Variants in DCHS2 observed in about 807,000 individuals in gnomAD.
DCHS2 encodes protocadherin-23.
Under a neutral mutation model 182.4 loss-of-function variants are expected in DCHS2, and 142 were observed. That is an observed-to-expected ratio of 0.78 (90% CI 0.68 to 0.89). The LOEUF (loss-of-function observed/expected upper bound fraction) is 0.89, where lower values mean the gene tolerates loss of function less well. DCHS2 is among the 40% of genes least tolerant of loss of function. The pLI is 0.00. For synonymous variants in DCHS2, 1,740 were observed against 1,663.3 expected (o/e 1.05, Z -1.12); for missense variants, 4,319 against 4,198.6 (o/e 1.03, Z -0.79).
At chr4:154,297,772 A>T in intron 13 of DCHS2, 79 bp downstream of exon 13, 1 of 1,518,600 alleles carries the variant, frequency 6.6e-7, no homozygotes, top group Non-Finnish European at 8.8e-7. Context: ...GCGCAATGGC[A>T]CTCTTGTAGT....
intron 16 of DCHS2, among the ~76,000 whole-genome samples, chr4:154,250,060 A>G (rs182740302): frequency 1.3e-5 from 2 of 152,318 alleles, no homozygotes; most frequent in Non-Finnish European, 2.9e-5. Context: ...AGGATTGCAT[A>G]GGTAATATGC....
At position 154,445,179 on chromosome 4, in the gene DCHS2, C is replaced by A. The variant is rs546200050; in HGVS notation, c.2052+44125G>T. On this transcript the variant is annotated intron_variant, in intron 1 of 19. Transcript: ENST00000357232. ...TCTTTCTCTCCCACTAGACTGGCTC[C>A]CTTAAGGCAGAGATATTGGCCCACA... Among the ~76,000 whole-genome samples, 254 of 152,296 alleles carry A rather than the reference C, an allele frequency of 1.7e-3. 2 individuals are homozygous for A. The highest frequency in any genetic ancestry group is 5.6e-3 in the African/African-American group (232 of 41,564).
At position 154,236,026 on chromosome 4, in the gene DCHS2, A is replaced by C; in HGVS notation, c.8626T>G (p.Phe2876Val). 1 of 1,613,928 alleles carries C rather than the reference A, an allele frequency of 6.2e-7. No homozygotes were observed. The highest frequency in any genetic ancestry group is 8.5e-7 in the Non-Finnish European group (1 of 1,179,954). ...TGATCTTGAGTGAAAATGGGCTCAAATTCATCTATCCCTTCAATATCCACC... is the reference window on the plus strand; with the variant it reads ...TGATCTTGAGTGAAAATGGGCTCAACTTCATCTATCCCTTCAATATCCACC... ...VWVDIEGIDE[F>V]EPIFTQDQYF... The change falls in exon 20 of 20, where the codon TTT becomes GTT. Residue 2876 changes from phenylalanine to valine, a missense_variant. Transcript: ENST00000357232.
At chr4:154,463,875 G>C (rs1735126313) in intron 1 of DCHS2, among the ~76,000 whole-genome samples, 1 of 152,048 alleles carries the variant, frequency 6.6e-6, no homozygotes, top group Admixed American at 6.6e-5. Flanking sequence ...CTCAGAACAA[G>C]CTTATTTACT....
At chr4:154,259,494 ACACACC>A (rs764471676) in intron 15 of DCHS2, 45 bp downstream of exon 15, 4 of 1,585,620 alleles carry the variant, frequency 2.5e-6, no homozygotes, top group African/African-American at 2.8e-5. Context: ...TCTCACACAG[ACACACC>A]CACACACACA....
intron 13 of DCHS2, among the ~76,000 whole-genome samples, chr4:154,288,124 A>G (rs1340413002): frequency 6.6e-6 from 1 of 152,140 alleles, no homozygotes; most frequent in East Asian, 1.9e-4. Flanking sequence ...ATCAAAAGAC[A>G]TAGTATGGTT....
rs997323646 is a variant in DCHS2 at position 154,321,368 on chromosome 4, T to C, written c.4177-146A>G. On this transcript the variant is annotated intron_variant, in intron 8 of 19. Transcript: ENST00000357232. Reference sequence around the variant, plus strand: ...TGAGAAAAATGTCATTTTTATATTATATAATTCCAGTATGTCTCAGAAGAT... The same window carrying C: ...TGAGAAAAATGTCATTTTTATATTACATAATTCCAGTATGTCTCAGAAGAT... The C allele has an allele frequency of 4.4e-6, 4 of 918,714 alleles. No individual in the cohort carries two copies. The African/African-American group carries it at 6.7e-5, about 15-fold the overall frequency. The allele number at this position is 918,714 out of a possible 1,614,324, so 56.9% of individuals were successfully genotyped here. A position where few individuals can be genotyped will look rare whatever the true frequency, so the allele number is the denominator to read the frequency against.
intron 1 of DCHS2, among the ~76,000 whole-genome samples, chr4:154,457,665 C>T (rs1197360415): frequency 1.3e-5 from 2 of 152,146 alleles, no homozygotes; most frequent in African/African-American, 4.8e-5. Flanking sequence ...TTACATCTGG[C>T]TTATAACAGG....
intron 1 of DCHS2, among the ~76,000 whole-genome samples, chr4:154,484,186 T>A (rs1728496625): frequency 6.6e-6 from 1 of 152,204 alleles, no homozygotes; most frequent in African/African-American, 2.4e-5. Flanking sequence ...TCCTTTGTGA[T>A]ACCTCTAAGG....
intron 1 of DCHS2, among the ~76,000 whole-genome samples, chr4:154,425,021 A>C: frequency 6.6e-6 from 1 of 152,252 alleles, no homozygotes. Context: ...CACTGCAGAA[A>C]GCAGATTCCT....
At chr4:154,419,849 C>T (rs77604188) in intron 1 of DCHS2, among the ~76,000 whole-genome samples, 67 of 143,846 alleles carry the variant, frequency 4.7e-4, no homozygotes, top group African/African-American at 1.6e-3. Flanking sequence ...CAGAGAAGAA[C>T]GTATGAGTGG....
At position 154,404,983 on chromosome 4, in the gene DCHS2, A is replaced by T. The variant is rs891815336; in HGVS notation, c.2053-27539T>A. ...TCTCTTGGCATGGGCATGGTGGCTC[A>T]TGCCTGTAATCCCAGCAGTTTGGGA... On this transcript the variant is annotated intron_variant, in intron 1 of 19. Coordinates refer to ENST00000357232, the MANE Select transcript of DCHS2 (RefSeq NM_001358235.2). Among the ~76,000 whole-genome samples the T allele has an allele frequency of 2.5e-4, 38 of 152,314 alleles. 1 individual carries two copies. The highest frequency in any genetic ancestry group is 2.2e-3 in the Admixed American group (33 of 15,296).
At chr4:154,442,970 C>T (rs13146084) in intron 1 of DCHS2, among the ~76,000 whole-genome samples, 43,592 of 151,862 alleles carry the variant, frequency 0.29, 7,093 homozygotes, top group South Asian at 0.45. Flanking sequence ...ATCATGAATG[C>T]CAATAACTGC....
At position 154,234,507 on chromosome 4, in the gene DCHS2, G is replaced by A. The variant is rs1402241554; in HGVS notation, c.*29C>T. The A allele has an allele frequency of 1.3e-6, 2 of 1,569,136 alleles. No individual in the cohort carries two copies. Among genetic ancestry groups the A allele is most frequent in the South Asian group, 1.2e-5 (1 of 82,570 alleles). ...TTTGTTCATTCATTCATGACCAATGGTGAGCAGGTACTTGGCATCCCAGTG... is the reference window on the plus strand; with the variant it reads ...TTTGTTCATTCATTCATGACCAATGATGAGCAGGTACTTGGCATCCCAGTG... On this transcript the variant is annotated 3_prime_UTR_variant, in exon 20 of 20. Transcript: ENST00000357232.
intron 2 of DCHS2, chr4:154,374,002 C>CAAAAAAAAAA: frequency 1.7e-6 from 1 of 595,244 alleles, no homozygotes; most frequent in Non-Finnish European, 2.5e-6. Context: ...ATTTTAATAG[C>CAAAAAAAAAA]AAAAAAAAAA....
At chr4:154,377,583 C>G in intron 1 of DCHS2, 139 bp from the exon 2 acceptor site, 2 of 605,344 alleles carry the variant, frequency 3.3e-6, no homozygotes, top group African/African-American at 1.9e-5. Flanking sequence ...TTTCATATCT[C>G]TCTCCTCGCT....
At chr4:154,303,893 G>A (rs1735322419) in intron 12 of DCHS2, among the ~76,000 whole-genome samples, 2 of 152,044 alleles carry the variant, frequency 1.3e-5, no homozygotes. Context: ...CACCTTTTCT[G>A]CATTTCAGAA....
Position 154,329,547 on chromosome 4 carries a change from G to A in DCHS2, c.3894C>T (p.Leu1298=), listed in dbSNP as rs1031583466. The A allele has an allele frequency of 1.9e-6, 3 of 1,613,456 alleles. No homozygotes were observed. The African/African-American group carries it at 4.0e-5, about 22-fold the overall frequency. ...NDNRPFFPQC[L]PGKELHVKVL... ...CCTTCACGTGTAACTCCTTTCCAGG[G>A]AGACACTGGGGGAAGAAGGGCCTGT... Residue 1298 remains leucine (L), a synonymous_variant, in exon 6 of 20, where the codon CTC becomes CTT. Transcript: ENST00000357232.
At chr4:154,274,428 T>C (rs1232812633) in intron 13 of DCHS2, among the ~76,000 whole-genome samples, 1 of 152,178 alleles carries the variant, frequency 6.6e-6, no homozygotes, top group Non-Finnish European at 1.5e-5. Flanking sequence ...ATTTGTCATC[T>C]AAGGACTTGT....
Sources: allele counts gnomAD v4.1 joint callset (sites outside exome capture counted in the v4.1 genomes callset), GRCh38; gene constraint gnomAD v4.1.1; transcripts MANE v1.5; gene names NCBI Gene and HGNC (gene_info 2026-07-23, HGNC 2026-07-21).